ANO2: variants seen among roughly 807,000 people sequenced by gnomAD.
ANO2 encodes anoctamin 2, also known as anoctamin-2.
In ANO2, 101 loss-of-function variants were observed where a neutral mutation model predicts 124.2. The observed-to-expected ratio is 0.81, with a 90% CI of 0.69 to 0.96. The LOEUF is 0.96. Ranked by LOEUF, ANO2 falls within the 40% of genes least tolerant of loss-of-function variation. ANO2 has a pLI of 0.00. For missense variants in ANO2, 1,293 were observed against 1,274.5 expected, an observed-to-expected ratio of 1.01 and a Z score of -0.22; for synonymous variants, 486 against 482.5, an observed-to-expected ratio of 1.01 and a Z score of -0.09.
intron 6 of ANO2, 89 bp from the exon 7 acceptor site, chr12:5,827,909 G>A: frequency 2.8e-6 from 4 of 1,430,178 alleles, no homozygotes; most frequent in African/African-American, 2.8e-5. Flanking sequence ...GGCAGGGGCG[G>A]GAGGCGCCCG....
intron 3 of ANO2, among the ~76,000 whole-genome samples, chr12:5,912,818 G>C (rs545283094): frequency 1.3e-5 from 2 of 152,198 alleles, no homozygotes; most frequent in African/African-American, 4.8e-5. Flanking sequence ...GGAAATCATC[G>C]CATCTTCCCC....
chr12:5,617,879 A>G (rs897178611), intron 16 of ANO2, among the ~76,000 whole-genome samples: 2 of 152,222 alleles, frequency 1.3e-5, no homozygotes, highest in African/African-American at 4.8e-5. Flanking sequence ...ACCCACACCC[A>G]CGCCCTTTGA....
intron 3 of ANO2, among the ~76,000 whole-genome samples, chr12:5,912,456 G>C (rs369386086): frequency 6.6e-6 from 1 of 152,162 alleles, no homozygotes; most frequent in Admixed American, 6.5e-5. Context: ...AGGCTAAAAC[G>C]AGCATCAGAG....
intron 16 of ANO2, among the ~76,000 whole-genome samples, chr12:5,621,145 C>T (rs796982266): frequency 6.6e-6 from 1 of 152,082 alleles, no homozygotes; most frequent in African/African-American, 2.4e-5. Context: ...CCCTCGCGCT[C>T]GCCACACTCC....
intron 14 of ANO2, among the ~76,000 whole-genome samples, chr12:5,697,020 A>G (rs955671843): frequency 6.6e-6 from 1 of 152,246 alleles, no homozygotes; most frequent in African/African-American, 2.4e-5. Flanking sequence ...GTAAAATACT[A>G]AAAGCAGTCC....
chr12:5,711,089 C>T (rs1949797835), intron 14 of ANO2, among the ~76,000 whole-genome samples: 1 of 149,856 alleles, frequency 6.7e-6, no homozygotes, highest in South Asian at 2.1e-4. Flanking sequence ...ACCTGGGAGG[C>T]AGAGCTTGCA....
At chr12:5,928,047 G>C (rs933539037) in intron 1 of ANO2, among the ~76,000 whole-genome samples, 2 of 152,188 alleles carry the variant, frequency 1.3e-5, no homozygotes, top group African/African-American at 4.8e-5. Flanking sequence ...AGATTGTGCA[G>C]AGAAAGGGCA....
intron 10 of ANO2, among the ~76,000 whole-genome samples, chr12:5,783,152 C>T (rs1313881321): frequency 2.6e-5 from 4 of 152,244 alleles, no homozygotes; most frequent in African/African-American, 9.6e-5. Context: ...CACTCCCCAT[C>T]TCTCACACAA....
At chr12:5,712,593 T>A (rs1390170803) in intron 14 of ANO2, among the ~76,000 whole-genome samples, 2 of 152,130 alleles carry the variant, frequency 1.3e-5, no homozygotes, top group Non-Finnish European at 2.9e-5. Context: ...TCCAGAACTA[T>A]GAGAGAATGA....
intron 13 of ANO2, among the ~76,000 whole-genome samples, chr12:5,738,109 A>T (rs1251492351): frequency 2.0e-5 from 3 of 152,054 alleles, no homozygotes; most frequent in African/African-American, 7.2e-5. Context: ...CAGGCAGCAC[A>T]CCCTGCACTG....
chr12:5,828,200 C>G (rs1954044329), intron 6 of ANO2, among the ~76,000 whole-genome samples: 1 of 152,120 alleles, frequency 6.6e-6, no homozygotes, highest in Non-Finnish European at 1.5e-5. Context: ...CAGTGTCTGC[C>G]GCCCACGTCG....
chr12:5,638,131 A>G (rs1006796042), intron 15 of ANO2, among the ~76,000 whole-genome samples: 2 of 152,172 alleles, frequency 1.3e-5, no homozygotes, highest in African/African-American at 4.8e-5. Context: ...GGTATACGGT[A>G]GAGCTGAGAT....
At position 5,563,544 on chromosome 12, in the gene ANO2, G is replaced by C. The variant is rs751593582; in HGVS notation, c.2752C>G (p.Leu918Val). 6.2e-7 allele frequency: 1 copy of C among 1,613,982 alleles called. No individual in the cohort carries two copies. The highest frequency in any genetic ancestry group is 8.5e-7 in the Non-Finnish European group (1 of 1,179,890). ...ATGTCTGGAATCATCCAGTCCACGAGGACGCTCAGGAACATCACGAGGTTC... is the reference window on the plus strand; with the variant it reads ...ATGTCTGGAATCATCCAGTCCACGACGACGCTCAGGAACATCACGAGGTTC... ...FQNLVMFLSV[L>V]VDWMIPDIPT... The change falls in exon 25 of 25, where the codon CTC (leucine) becomes GTC (valine). Residue 918 changes from leucine to valine, a missense_variant. Leu to Val is a conservative substitution (Grantham distance 32). Transcript: ENST00000682330.
chr12:5,571,701 TTC>T (rs143490808), intron 23 of ANO2, among the ~76,000 whole-genome samples: 36 of 150,296 alleles, frequency 2.4e-4, no homozygotes, highest in African/African-American at 5.6e-4. Context: ...TCTCTCTTTC[TTC>T]TCTCTCTCTC....
At chr12:5,923,128 C>CCACATACACACACGCATACACACACACA (rs1941843941) in intron 1 of ANO2, among the ~76,000 whole-genome samples, 1 of 23,418 alleles carries the variant, frequency 4.3e-5, no homozygotes. Flanking sequence ...GCACACACAC[C>CCACATACACACACGCATACACACACACA]CACATACACA....
rs1028408537 is a variant in ANO2, at chr12:5,845,503, C to T, written c.633+8540G>A. Reference sequence around the variant, plus strand: ...AATGGCATCAACTCAGGAGGCGGAGCTTGCAGTGAGCCGAGATCGCTCCAC... The same window carrying T: ...AATGGCATCAACTCAGGAGGCGGAGTTTGCAGTGAGCCGAGATCGCTCCAC... On this transcript the variant is annotated intron_variant, in intron 4 of 24. Transcript: ENST00000682330. Among the ~76,000 whole-genome samples the T allele has an allele frequency of 3.4e-5, 5 of 145,450 alleles. No individual in the cohort carries two copies. The Admixed American group carries it at 3.5e-4, about 10-fold the overall frequency.
chr12:5,883,307 C>G (rs1420110756), intron 3 of ANO2, among the ~76,000 whole-genome samples: 1 of 152,204 alleles, frequency 6.6e-6, no homozygotes, highest in African/African-American at 2.4e-5. Context: ...ACCACCTACT[C>G]TACTGCTGAG....
chr12:5,605,620 G>A (rs1485460277), intron 19 of ANO2, among the ~76,000 whole-genome samples: 2 of 152,104 alleles, frequency 1.3e-5, no homozygotes, highest in Non-Finnish European at 2.9e-5. Context: ...ATTTTGCTTC[G>A]ATGTGGACCG....
intron 14 of ANO2, among the ~76,000 whole-genome samples, chr12:5,689,626 T>C (rs778716903): frequency 6.6e-6 from 1 of 152,116 alleles, no homozygotes; most frequent in South Asian, 2.1e-4. Flanking sequence ...CAAACTCACC[T>C]AGGTTCTCTG....
Sources: allele counts gnomAD v4.1 joint callset (sites outside exome capture counted in the v4.1 genomes callset), GRCh38; gene constraint gnomAD v4.1.1; transcripts MANE v1.5; gene names NCBI Gene and HGNC (gene_info 2026-07-23, HGNC 2026-07-21).